Variants in SPNS2 observed in about 807,000 individuals in gnomAD.
SPNS2 encodes sphingosine-1-phosphate transporter SPNS2.
A neutral mutation model predicts 57.6 loss-of-function variants in SPNS2; 37 were observed. The ratio of observed to expected loss-of-function variants is 0.64; its 90% CI spans 0.49 to 0.85. SPNS2 has a LOEUF of 0.85. Among genes scored for constraint, SPNS2 ranks in the 40% least tolerant of loss-of-function variants. The probability of loss-of-function intolerance (pLI) is 0.00; values close to 1 mark genes in which losing one functional copy is unlikely to be tolerated. For synonymous variants in SPNS2, 440 were observed against 346.9 expected (o/e 1.27, Z -2.98); for missense variants, 831 against 779.1 (o/e 1.07, Z -0.79).
At chr17:4,517,502 C>T (rs1386181795) in intron 2 of SPNS2, among the ~76,000 whole-genome samples, 1 of 152,154 alleles carries the variant, frequency 6.6e-6, no homozygotes, top group African/African-American at 2.4e-5. Flanking sequence ...TACTAAAATA[C>T]ATAAATTAGC....
At chr17:4,526,726 A>T (rs9908445) in intron 3 of SPNS2, among the ~76,000 whole-genome samples, 75,276 of 152,038 alleles carry the variant, frequency 0.5, 18,980 homozygotes, top group East Asian at 0.77. Context: ...CTTCTGTGGC[A>T]GTGCTGAGCT....
chr17:4,538,956 C>CTGAT lies in SPNS2; in HGVS notation c.*1511_*1514dup, dbSNP rs1305464855. The CTGAT allele has an allele frequency of 3.8e-6, 3 of 785,796 alleles. No individual in the cohort carries two copies. Among genetic ancestry groups the CTGAT allele is most frequent in the East Asian group, 2.4e-5 (1 of 41,296 alleles). 48.7% of individuals were successfully genotyped at this position (785,796 alleles called of 1,614,324 possible). ...ACTGCTCCTTTATTTTTTAGAGCTG[C>CTGAT]TGATTGTGAATCTCAGAGTCTTAAG... On this transcript the variant is annotated 3_prime_UTR_variant, in exon 13 of 13. Transcript: ENST00000329078.
At chr17:4,521,103 C>G (rs1040619960) in intron 2 of SPNS2, among the ~76,000 whole-genome samples, 9 of 152,168 alleles carry the variant, frequency 5.9e-5, no homozygotes, top group Admixed American at 3.3e-4. Flanking sequence ...CTTCATTATC[C>G]TGGCAGGATC....
At chr17:4,508,975 C>T (rs1904755027) in intron 1 of SPNS2, among the ~76,000 whole-genome samples, 1 of 152,084 alleles carries the variant, frequency 6.6e-6, no homozygotes. Context: ...AGGAGGGATG[C>T]CGGCTGGCCG....
rs115939074 is a variant in SPNS2, at chr17:4,501,039, A to G, written c.370+1622A>G. Reference sequence around the variant, plus strand: ...TCCTTTGGGGGAGAAATCAGAGAATACCTGGGACCTGTAGTCAGTTCACAA... The same window carrying G: ...TCCTTTGGGGGAGAAATCAGAGAATGCCTGGGACCTGTAGTCAGTTCACAA... On this transcript the variant is annotated intron_variant, in intron 1 of 12. Coordinates refer to ENST00000329078, the MANE Select transcript of SPNS2 (RefSeq NM_001124758.3). Among the ~76,000 whole-genome samples, 888 of 152,300 alleles carry G rather than the reference A, an allele frequency of 5.8e-3. 8 individuals carry two copies. The highest frequency in any genetic ancestry group is 0.02 in the African/African-American group (839 of 41,566).
intron 3 of SPNS2, among the ~76,000 whole-genome samples, chr17:4,528,473 T>C (rs1444403654): frequency 6.6e-6 from 1 of 152,090 alleles, no homozygotes; most frequent in Non-Finnish European, 1.5e-5. Context: ...TTAAATATTG[T>C]TTATTTTGAG....
At chr17:4,501,093 A>C (rs993707906) in intron 1 of SPNS2, among the ~76,000 whole-genome samples, 1 of 152,212 alleles carries the variant, frequency 6.6e-6, no homozygotes, top group African/African-American at 2.4e-5. Context: ...TAGGGGGACC[A>C]ATGTCCCTGT....
chr17:4,532,245 A>G (rs1302825869), intron 5 of SPNS2, among the ~76,000 whole-genome samples: 1 of 151,634 alleles, frequency 6.6e-6, no homozygotes, highest in Admixed American at 6.6e-5. Context: ...TTCTCTATCT[A>G]TCCACCCACT....
chr17:4,525,034 C>A lies in SPNS2; in HGVS notation c.437-23C>A, dbSNP rs61751931. ...CGGGGCGCAGGGACCTGGGCCCCCC[C>A]TCAAGCTCTCCTCTCCCTGCAGTGT... On this transcript the variant is annotated intron_variant, in intron 2 of 12. Coordinates refer to ENST00000329078, the MANE Select transcript of SPNS2 (RefSeq NM_001124758.3). The A allele has an allele frequency of 6.8e-6, 11 of 1,609,864 alleles. No individual in the cohort carries two copies. In the East Asian group the frequency reaches 1.6e-4, roughly 23 times the overall value.
chr17:4,528,669 T>C (rs1597367612), intron 3 of SPNS2, among the ~76,000 whole-genome samples: 1 of 151,036 alleles, frequency 6.6e-6, no homozygotes, highest in Non-Finnish European at 1.5e-5. Context: ...TAGAGAAGGG[T>C]TTTCACCGTG....
chr17:4,535,444 G>T (rs1013265520), intron 9 of SPNS2, among the ~76,000 whole-genome samples: 1 of 152,202 alleles, frequency 6.6e-6, no homozygotes, highest in African/African-American at 2.4e-5. Context: ...CTGTGGCGGG[G>T]GTTCAGGTTC....
rs769904237 is a variant in SPNS2, at chr17:4,532,630, A to C, written c.881A>C (p.Asp294Ala). The change falls in exon 6 of 13, where the codon GAC (aspartate) becomes GCC (alanine). Residue 294 changes from aspartate to alanine, a missense_variant. Physicochemically the swap from Asp to Ala is moderately radical, Grantham distance 126. Coordinates refer to ENST00000329078, the MANE Select transcript of SPNS2 (RefSeq NM_001124758.3). Reference sequence around the variant, plus strand: ...AGGGGTCATGCCGACCAGCTCGGGGACCAGCTCAAGGCCCGGACCTCATGG... The same window carrying C: ...AGGGGTCATGCCGACCAGCTCGGGGCCCAGCTCAAGGCCCGGACCTCATGG... ...TKRGHADQLG[D>A]QLKARTSWLR... 3.1e-6 allele frequency: 5 copies of C among 1,613,870 alleles called. 1 individual carries two copies. The highest frequency in any genetic ancestry group is 3.3e-4 in the Middle Eastern group (2 of 6,084).
At chr17:4,513,115 A>T (rs149006989) in intron 1 of SPNS2, 132 bp from the exon 2 acceptor site, 7 of 937,328 alleles carry the variant, frequency 7.5e-6, no homozygotes, top group Non-Finnish European at 1.0e-5. Flanking sequence ...GGCAGGGTAG[A>T]GGTCGCAGCA....
chr17:4,529,412 C>T (rs1019045801), intron 3 of SPNS2, among the ~76,000 whole-genome samples: 5 of 151,784 alleles, frequency 3.3e-5, no homozygotes, highest in East Asian at 2.0e-4. Context: ...CACAGGGGGC[C>T]GGATGTGGTG....
At position 4,499,628 on chromosome 17, in the gene SPNS2, C is replaced by T. The variant is rs1567585425; in HGVS notation, c.370+211C>T. The T allele has an allele frequency of 5.0e-6, 2 of 397,656 alleles. No homozygotes were observed. The highest frequency in any genetic ancestry group is 9.1e-5 in the South Asian group (1 of 10,972). The allele number at this position is 397,656 out of a possible 1,614,324, so 24.6% of individuals were successfully genotyped here. On this transcript the variant is annotated intron_variant, in intron 1 of 12. Transcript: ENST00000329078. The surrounding 1 kb of genome is among the most constrained non-coding windows in gnomAD (Gnocchi z 5.2). ...ATCCAGCTCCCCGCTCATACACACC[C>T]GGGGCCAAGGGATAGAGGAGTCCCC...
At position 4,525,340 on chromosome 17, in the gene SPNS2, T is replaced by C. The variant is rs1479866901; in HGVS notation, c.573+147T>C. ...TGTCTTCCCAGTGCAGAAGGACAGG[T>C]GGTCTTCGGGTATTTTTATAAACCA... is the stretch of plus-strand genomic sequence containing the variant. On this transcript the variant is annotated intron_variant, in intron 3 of 12. Coordinates refer to ENST00000329078, the MANE Select transcript of SPNS2 (RefSeq NM_001124758.3). 1.4e-5 allele frequency: 17 copies of C among 1,216,236 alleles called. No individual in the cohort carries two copies. The East Asian group carries it at 3.8e-4, about 27-fold the overall frequency. The allele number at this position is 1,216,236 out of a possible 1,614,324, so 75.3% of individuals were successfully genotyped here.
At position 4,499,820 on chromosome 17, in the gene SPNS2, G is replaced by A; in HGVS notation, c.370+403G>A. 6.0e-6 allele frequency: 1 copy of A among 166,778 alleles called. No individual in the cohort carries two copies. Among genetic ancestry groups the A allele is most frequent in the Non-Finnish European group, 1.3e-5 (1 of 77,840 alleles). The allele number at this position is 166,778 out of a possible 1,614,324, so 10.3% of individuals were successfully genotyped here. A position where few individuals can be genotyped will look rare whatever the true frequency, so the allele number is the denominator to read the frequency against. On this transcript the variant is annotated intron_variant, in intron 1 of 12. Coordinates refer to ENST00000329078, the MANE Select transcript of SPNS2 (RefSeq NM_001124758.3). This position sits in a 1 kb window ranked among gnomAD's most constrained non-coding sequence, Gnocchi z 5.2. ...CCCTTCCCTTCCCCCAGCCCAGGTC[G>A]TCTGTCCGTCCATGGCCCGTCAGTT...
Position 4,536,425 on chromosome 17 carries a change from CAGT to C in SPNS2, c.1607_1607+2del. 6.5e-7 allele frequency: 1 copy of C among 1,546,950 alleles called. No homozygotes were observed. Among genetic ancestry groups the C allele is most frequent in the Non-Finnish European group, 8.7e-7 (1 of 1,145,450 alleles). ...CAGCGACCGCGCCAGGGCTGAGCAG[CAGT>C]GAGTGGGGGGGAGGGGAGGCCCTGC... is the stretch of plus-strand genomic sequence containing the variant. On this transcript the variant is annotated splice_donor_variant and coding_sequence_variant, in exon 11 of 13. Coordinates refer to ENST00000329078, the MANE Select transcript of SPNS2 (RefSeq NM_001124758.3). LOFTEE classifies it high-confidence loss of function.
intron 1 of SPNS2, among the ~76,000 whole-genome samples, chr17:4,508,983 C>A (rs1250323348): frequency 6.6e-6 from 1 of 152,176 alleles, no homozygotes; most frequent in African/African-American, 2.4e-5. Context: ...TGCCGGCTGG[C>A]CGGCAGGGGC....
Sources: gnomAD v4.1 joint callset for allele counts (sites outside exome capture counted in the v4.1 genomes callset) on GRCh38, gnomAD v4.1.1 for gene constraint, Gnocchi (gnomAD v3.1) non-coding constraint, MANE v1.5 for transcripts, NCBI Gene and HGNC (gene_info 2026-07-23, HGNC 2026-07-21) for gene names.